SLC25A3: variants seen among roughly 807,000 people sequenced by gnomAD.
The protein encoded by SLC25A3 is phosphate transport protein.
A neutral mutation model predicts 37.1 loss-of-function variants in SLC25A3; 14 were observed. That is an observed-to-expected ratio of 0.38 (90% CI 0.25 to 0.59). SLC25A3 has a LOEUF of 0.59. Among genes scored for constraint, SLC25A3 ranks in the 20% least tolerant of loss-of-function variants. The pLI is 0.67. For missense variants in SLC25A3, 385 were observed against 458.1 expected, an observed-to-expected ratio of 0.84 and a Z score of 1.46; for synonymous variants, 161 against 168.7, an observed-to-expected ratio of 0.95 and a Z score of 0.36.
intron 4 of SLC25A3, 34 bp downstream of exon 4, chr12:98,598,069 G>A: frequency 1.2e-6 from 2 of 1,605,684 alleles, no homozygotes; most frequent in Non-Finnish European, 1.7e-6. Context: ...AATGTTCCGA[G>A]TGTTTAAGAC....
Position 98,603,891 on chromosome 12 carries a change from GTTC to G in SLC25A3, c.*2366_*2368del, listed in dbSNP as rs1450253930. On this transcript the variant is annotated 3_prime_UTR_variant, in exon 8 of 8. Coordinates refer to ENST00000552981, the MANE Select transcript of SLC25A3 (RefSeq NM_002635.4). The stretch of plus-strand genomic sequence containing the variant: ...AAAATTTTAATATGTATGTATTGGT[GTTC>G]TTTTTACATTTCATTTAATGAAATG... The G allele has an allele frequency of 6.6e-6, 1 of 152,118 alleles. No homozygotes were observed. The highest frequency in any genetic ancestry group is 2.4e-5 in the African/African-American group (1 of 41,400). The allele number at this position is 152,118 out of a possible 1,614,324, so 9.4% of individuals were successfully genotyped here.
At chr12:98,598,410 CGT>C (rs918176405) in intron 4 of SLC25A3, 110 bp from the exon 5 acceptor site, 1 of 1,529,364 alleles carries the variant, frequency 6.5e-7, no homozygotes. Flanking sequence ...TCCATATCAT[CGT>C]GTGTTACTTT....
intron 4 of SLC25A3, 136 bp downstream of exon 4, chr12:98,598,171 A>G (rs1479413068): frequency 6.1e-6 from 5 of 823,490 alleles, no homozygotes; most frequent in Non-Finnish European, 2.0e-6. Flanking sequence ...TTTAAATCGT[A>G]TGCCTGTGTC....
At chr12:98,601,039 C>A in intron 6 of SLC25A3, 132 bp from the exon 7 acceptor site, 1 of 967,648 alleles carries the variant, frequency 1.0e-6, no homozygotes, top group Non-Finnish European at 1.6e-6. Context: ...GATAACTGTA[C>A]CCGTGTCACC....
At chr12:98,598,089 G>A (rs780119335) in intron 4 of SLC25A3, 54 bp downstream of exon 4, 7 of 1,588,444 alleles carry the variant, frequency 4.4e-6, no homozygotes, top group Non-Finnish European at 6.0e-6. Context: ...CTTTCCGAGT[G>A]TTCTTAGATT....
chr12:98,601,670 T>TAC lies in SLC25A3; in HGVS notation c.*142_*143insAC. The TAC allele has an allele frequency of 3.0e-6, 2 of 670,018 alleles. No individual in the cohort carries two copies. Among genetic ancestry groups the TAC allele is most frequent in the Non-Finnish European group, 5.4e-6 (2 of 372,550 alleles). 41.5% of individuals were successfully genotyped at this position (670,018 alleles called of 1,614,324 possible). A position where few individuals can be genotyped will look rare whatever the true frequency, so the allele number is the denominator to read the frequency against. On this transcript the variant is annotated 3_prime_UTR_variant, in exon 8 of 8. Transcript: ENST00000552981. ...GTAGTACTCTTGCTTAAGGCAAGAG[T>TAC]TTCAGATTTACTGTTGAAATAAACC...
At position 98,601,168 on chromosome 12, in the gene SLC25A3, C is replaced by T. The variant is rs112837620; in HGVS notation, c.815-3C>T. 1.9e-6 allele frequency: 3 copies of T among 1,611,734 alleles called. No individual in the cohort carries two copies. The highest frequency in any genetic ancestry group is 2.5e-6 in the Non-Finnish European group (3 of 1,179,296). On this transcript the variant is annotated splice_region_variant and splice_polypyrimidine_tract_variant and intron_variant, in intron 6 of 7. Transcript: ENST00000552981. Reference sequence around the variant, plus strand: ...CTGTATGGGATCCTTTATCTTTTTTCAGCTGGAGTCTTTTGTGCAATTGTT... The same window carrying T: ...CTGTATGGGATCCTTTATCTTTTTTTAGCTGGAGTCTTTTGTGCAATTGTT...
At chr12:98,594,238 C>A (rs770446612) in intron 2 of SLC25A3, 103 bp downstream of exon 2, 5 of 979,166 alleles carry the variant, frequency 5.1e-6, no homozygotes, top group Non-Finnish European at 7.9e-6. Context: ...ACGAGTCCAG[C>A]CCGCTGCACC....
At chr12:98,598,762 T>C (rs931974066) in intron 5 of SLC25A3, 59 bp downstream of exon 5, 61 of 1,456,856 alleles carry the variant, frequency 4.2e-5, no homozygotes, top group Non-Finnish European at 5.3e-5. Context: ...GAACTTCATT[T>C]TTTTTTGTTT....
rs757080934 is a variant in SLC25A3 at position 98,601,504 on chromosome 12, G to A, written c.1062G>A (p.Lys354=). ...PPPPEMPESL[K]KKLGLTQ is the part of the protein sequence containing the mutation. Reference sequence around the variant, plus strand: ...CACCCGAGATGCCAGAGTCTCTGAAGAAGAAGCTTGGGTTAACTCAGTAGT... The same window carrying A: ...CACCCGAGATGCCAGAGTCTCTGAAAAAGAAGCTTGGGTTAACTCAGTAGT... The change falls in exon 8 of 8, where the codon AAG becomes AAA. Residue 354 remains lysine, a synonymous_variant. Transcript: ENST00000552981. 1 of 1,613,568 alleles carries A rather than the reference G, an allele frequency of 6.2e-7. No homozygotes were observed. The highest frequency in any genetic ancestry group is 1.1e-5 in the South Asian group (1 of 91,068).
rs2097591956 is a variant in SLC25A3, at chr12:98,595,251, A to G, written c.158-476A>G. On this transcript the variant is annotated intron_variant, in intron 2 of 7. Coordinates refer to ENST00000552981, the MANE Select transcript of SLC25A3 (RefSeq NM_002635.4). ...AGCTATTAATAGTATCAGATACAGA[A>G]CCCTCATAATTTTTAAATGATCTGA... is the stretch of plus-strand genomic sequence containing the variant. 4.8e-6 allele frequency: 3 copies of G among 626,592 alleles called. No individual in the cohort carries two copies. The South Asian group carries it at 5.7e-5, about 12-fold the overall frequency. 38.8% of individuals were successfully genotyped at this position (626,592 alleles called of 1,614,324 possible). A position where few individuals can be genotyped will look rare whatever the true frequency, so the allele number is the denominator to read the frequency against.
chr12:98,594,047 C>G lies in SLC25A3; in HGVS notation c.69C>G (p.His23Gln). The G allele has an allele frequency of 6.2e-7, 1 of 1,613,412 alleles. No homozygotes were observed. ...ACACGCCACATCTGCAGCTGGTGCA[C>G]GATGGTCTCGGGGACCTCCGCAGCA... ...PFNTPHLQLVHDGLGDLRSSS... is the reference protein window; with the variant it reads ...PFNTPHLQLVQDGLGDLRSSS... Residue 23 changes from histidine to glutamine, a missense_variant, in exon 2 of 8, where the codon CAC (histidine) becomes CAG (glutamine). His to Gln is a conservative substitution (Grantham distance 24). Coordinates refer to ENST00000552981, the MANE Select transcript of SLC25A3 (RefSeq NM_002635.4).
rs2097600078 is a variant in SLC25A3, at chr12:98,604,315, C to G, written c.*2787C>G. The stretch of plus-strand genomic sequence containing the variant: ...AGCTGATAGTTGAATTATGTTGATT[C>G]AGGGACAAGATAGCATTGCATAGTA... On this transcript the variant is annotated 3_prime_UTR_variant, in exon 8 of 8. Transcript: ENST00000552981. The G allele has an allele frequency of 6.7e-6, 1 of 148,366 alleles. No individual in the cohort carries two copies. Among genetic ancestry groups the G allele is most frequent in the African/African-American group, 2.5e-5 (1 of 40,106 alleles). The allele number at this position is 148,366 out of a possible 1,614,324, so 9.2% of individuals were successfully genotyped here.
At position 98,601,214 on chromosome 12, in the gene SLC25A3, G is replaced by T. The variant is rs750516275; in HGVS notation, c.858G>T (p.Val286=). 2.2e-5 allele frequency: 35 copies of T among 1,613,622 alleles called. No individual in the cohort carries two copies. Among genetic ancestry groups the T allele is most frequent in the Non-Finnish European group, 2.8e-5 (33 of 1,179,778 alleles). ...CAIVSHPADS[V]VSVLNKEKGS... Reference sequence around the variant, plus strand: ...TTGTTTCTCACCCTGCTGATTCTGTGGTATCTGTGTTGAATAAAGAAAAAG... The same window carrying T: ...TTGTTTCTCACCCTGCTGATTCTGTTGTATCTGTGTTGAATAAAGAAAAAG... The change falls in exon 7 of 8, where the codon GTG becomes GTT. Residue 286 remains valine, a synonymous_variant. Transcript: ENST00000552981.
chr12:98,602,491 T>A lies in SLC25A3; in HGVS notation c.*963T>A, dbSNP rs2153288859. ...GACTTTTTACAGAAAATTGAACTAT[T>A]TTCAGTCTGGTATTTTAAGAAAGGT... On this transcript the variant is annotated 3_prime_UTR_variant, in exon 8 of 8. Coordinates refer to ENST00000552981, the MANE Select transcript of SLC25A3 (RefSeq NM_002635.4). The A allele has an allele frequency of 6.6e-6, 1 of 152,300 alleles. No homozygotes were observed. The highest frequency in any genetic ancestry group is 2.1e-4 in the South Asian group (1 of 4,834). The allele number at this position is 152,300 out of a possible 1,614,324, so 9.4% of individuals were successfully genotyped here.
chr12:98,595,558 G>A lies in SLC25A3; in HGVS notation c.158-169G>A. 6.2e-7 allele frequency: 1 copy of A among 1,614,116 alleles called. No individual in the cohort carries two copies. Among genetic ancestry groups the A allele is most frequent in the African/African-American group, 1.3e-5 (1 of 75,060 alleles). ...AGATCTGGTTAAATGCAGAATGCAG[G>A]TTTGTTTTGCATGCTGGACTAGAGC... On this transcript the variant is annotated intron_variant, in intron 2 of 7. Transcript: ENST00000552981.
intron 6 of SLC25A3, among the ~76,000 whole-genome samples, chr12:98,600,788 C>A (rs1349091764): frequency 1.3e-5 from 2 of 152,110 alleles, no homozygotes; most frequent in African/African-American, 2.4e-5. Flanking sequence ...ATGTGCCTGG[C>A]CTATAAAGCA....
In SLC25A3 at chr12:98,601,471, C is replaced by T; in HGVS notation, c.1029C>T (p.Arg343=). 1.2e-6 allele frequency: 2 copies of T among 1,614,056 alleles called. No homozygotes were observed. The highest frequency in any genetic ancestry group is 8.5e-7 in the Non-Finnish European group (1 of 1,179,982). Reference sequence around the variant, plus strand: ...TGAAGGTCTACTTCAGACTTCCTCGCCCTCCTCCACCCGAGATGCCAGAGT... The same window carrying T: ...TGAAGGTCTACTTCAGACTTCCTCGTCCTCCTCCACCCGAGATGCCAGAGT... The part of the protein sequence containing the change: ...DSVKVYFRLP[R]PPPPEMPESL... The change falls in exon 8 of 8, where the codon CGC becomes CGT. Residue 343 remains arginine (R), a synonymous_variant. Transcript: ENST00000552981.
intron 4 of SLC25A3, chr12:98,598,289 T>C (rs1395001527): frequency 9.9e-6 from 7 of 710,212 alleles, no homozygotes; most frequent in Non-Finnish European, 1.6e-5. Flanking sequence ...AGAAGGGCTC[T>C]GGGACTCCTT....
Sources: gnomAD v4.1 joint callset for allele counts (sites outside exome capture counted in the v4.1 genomes callset) on GRCh38, gnomAD v4.1.1 for gene constraint, MANE v1.5 for transcripts, NCBI Gene and HGNC (gene_info 2026-07-23, HGNC 2026-07-21) for gene names.